Variants in SPRY3 observed in about 807,000 individuals in gnomAD.
The protein encoded by SPRY3 is protein sprouty homolog 3.
SPRY3 carries 15 observed loss-of-function variants against 20.2 expected under a neutral mutation model. The observed-to-expected ratio is 0.74, with a 90% CI of 0.50 to 1.14. The LOEUF is 1.14. Ranked by LOEUF, SPRY3 falls within the 50% of genes most tolerant of loss-of-function variation. The probability of loss-of-function intolerance (pLI) is 0.00; values close to 1 mark genes in which losing one functional copy is unlikely to be tolerated. For missense variants in SPRY3, 364 were observed against 363.9 expected, an observed-to-expected ratio of 1.00 and a Z score of 0.00; for synonymous variants, 143 against 136.5, an observed-to-expected ratio of 1.05 and a Z score of -0.33.
rs1569384487 is a variant in SPRY3, at chrX:155,716,984, ATAT to A, written c.-281-50977_-281-50975del. Reference sequence around the variant, plus strand: ...CCCTGTTTCCACTAAAATACAAAATATATATATATATATATATATATATATATA... The same window carrying A: ...CCCTGTTTCCACTAAAATACAAAATAATATATATATATATATATATATATA... On this transcript the variant is annotated intron_variant, in intron 2 of 3. Transcript: ENST00000675360. Among the ~76,000 whole-genome samples, 137 of 118,878 alleles carry A rather than the reference ATAT, an allele frequency of 1.2e-3. 3 individuals are homozygous for A. Among genetic ancestry groups the A allele is most frequent in the African/African-American group, 4.7e-3 (132 of 28,204 alleles). The allele number at this position is 118,878 out of a possible 152,430, so 78.0% of individuals were successfully genotyped here.
At chrX:155,729,058 C>A (rs2124561965) in intron 2 of SPRY3, among the ~76,000 whole-genome samples, 1 of 152,150 alleles carries the variant, frequency 6.6e-6, no homozygotes, top group South Asian at 2.1e-4. Context: ...AACTGGAGAA[C>A]CCAGACATAT....
At chrX:155,689,259 TA>T (rs1365043243) in intron 2 of SPRY3, among the ~76,000 whole-genome samples, 1 of 87,577 alleles carries the variant, frequency 1.1e-5, no homozygotes, top group Non-Finnish European at 2.1e-5. Flanking sequence ...TTTAAGTATT[TA>T]ATCCATCCTG....
intron 2 of SPRY3, among the ~76,000 whole-genome samples, chrX:155,706,554 T>A (rs1193274698): frequency 6.6e-6 from 1 of 150,524 alleles, no homozygotes; most frequent in East Asian, 1.9e-4. Context: ...GGAACAAAAG[T>A]TGCCTTTTTA....
chrX:155,760,237 T>G (rs1332915988), intron 2 of SPRY3, among the ~76,000 whole-genome samples: 1 of 152,162 alleles, frequency 6.6e-6, no homozygotes, highest in Non-Finnish European at 1.5e-5. Context: ...AACAAAGACT[T>G]TATTGTCCCT....
intron 2 of SPRY3, among the ~76,000 whole-genome samples, chrX:155,695,317 T>C (rs747142271): frequency 8.9e-6 from 1 of 111,860 alleles, no homozygotes; most frequent in Non-Finnish European, 1.9e-5. Context: ...ATGGGTTATC[T>C]CTCTATGGGT....
At chrX:155,749,930 A>G (rs912684377) in intron 2 of SPRY3, among the ~76,000 whole-genome samples, 1 of 151,756 alleles carries the variant, frequency 6.6e-6, no homozygotes, top group African/African-American at 2.4e-5. Context: ...ATAGATATTA[A>G]TTTGAGAGTT....
chrX:155,668,591 A>T (rs996270032), intron 2 of SPRY3, among the ~76,000 whole-genome samples: 1 of 110,768 alleles, frequency 9.0e-6, no homozygotes, highest in South Asian at 3.8e-4. Context: ...TAATTAAAAA[A>T]TTTTAAGCTC....
exon 4 of SPRY3, chrX:155,776,056 C>G (rs2091423356): frequency 6.0e-6 from 1 of 167,104 alleles, no homozygotes; most frequent in Non-Finnish European, 1.5e-5. Flanking sequence ...AGTATTCTTA[C>G]CCCTGTACCA....
chrX:155,754,770 C>A (rs190895718), intron 2 of SPRY3, among the ~76,000 whole-genome samples: 55 of 152,064 alleles, frequency 3.6e-4, no homozygotes, highest in Admixed American at 1.8e-3. Context: ...CTTCTTTCAA[C>A]AATGTTCTGT....
At chrX:155,720,621 T>G (rs1230322537) in intron 2 of SPRY3, among the ~76,000 whole-genome samples, 1 of 152,014 alleles carries the variant, frequency 6.6e-6, no homozygotes, top group Admixed American at 6.6e-5. Context: ...AGACTCTATT[T>G]GAGAAAGTAA....
At chrX:155,710,925 C>A (rs1167716496) in intron 2 of SPRY3, among the ~76,000 whole-genome samples, 1 of 151,458 alleles carries the variant, frequency 6.6e-6, no homozygotes, top group South Asian at 2.1e-4. Context: ...TTTTAATGAT[C>A]ATATGGTTTT....
exon 4 of SPRY3, chrX:155,774,379 T>C: frequency 6.2e-7 from 1 of 1,614,020 alleles, no homozygotes; most frequent in Non-Finnish European, 8.5e-7. Flanking sequence ...CTGCTGGCTG[T>C]GCAACCAGCG....
At chrX:155,771,522 T>C (rs917914224) in intron 3 of SPRY3, among the ~76,000 whole-genome samples, 36 of 152,214 alleles carry the variant, frequency 2.4e-4, no homozygotes, top group Non-Finnish European at 4.3e-4. Context: ...TGTATATTAT[T>C]GTTCTTACAG....
intron 2 of SPRY3, among the ~76,000 whole-genome samples, chrX:155,723,646 T>G (rs1320788461): frequency 6.6e-6 from 1 of 152,308 alleles, no homozygotes; most frequent in Middle Eastern, 3.4e-3. Flanking sequence ...TTTTTTCTTG[T>G]AAATTTGTTT....
intron 2 of SPRY3, among the ~76,000 whole-genome samples, chrX:155,723,158 A>G (rs1050155343): frequency 2.6e-5 from 4 of 152,130 alleles, no homozygotes; most frequent in Non-Finnish European, 4.4e-5. Context: ...TATATGTGCC[A>G]CATTTTCTTA....
chrX:155,738,837 C>T (rs2091185957), intron 2 of SPRY3, among the ~76,000 whole-genome samples: 1 of 152,166 alleles, frequency 6.6e-6, no homozygotes, highest in Admixed American at 6.5e-5. Flanking sequence ...TTTGCATACT[C>T]CACCCTGGAA....
chrX:155,773,800 C>T, exon 4 of SPRY3: 1 of 1,525,306 alleles, frequency 6.6e-7, no homozygotes, highest in Non-Finnish European at 8.9e-7. Flanking sequence ...CATGTAACTA[C>T]AAGGGCTCCT....
intron 2 of SPRY3, among the ~76,000 whole-genome samples, chrX:155,756,151 C>G (rs908805226): frequency 5.0e-4 from 76 of 152,210 alleles, no homozygotes; most frequent in African/African-American, 1.8e-3. Flanking sequence ...ACTGTTGTCA[C>G]CTGCAGCATG....
intron 1 of SPRY3, among the ~76,000 whole-genome samples, chrX:155,621,642 T>C (rs2067871256): frequency 8.9e-6 from 1 of 111,847 alleles, no homozygotes; most frequent in Non-Finnish European, 1.9e-5. Flanking sequence ...TACCAAATGA[T>C]GTCCTCTCCA....
Sources: allele counts gnomAD v4.1 joint callset (sites outside exome capture counted in the v4.1 genomes callset), GRCh38; gene constraint gnomAD v4.1.1; transcripts MANE v1.5; gene names NCBI Gene and HGNC (gene_info 2026-07-23, HGNC 2026-07-21).